Variants in CLIP1 observed in about 807,000 individuals in gnomAD.
CLIP1 encodes the protein CAP-Gly domain containing linker protein 1.
In CLIP1, 66 loss-of-function variants were observed where a neutral mutation model predicts 161.6. That is an observed-to-expected ratio of 0.41 (90% confidence interval 0.33 to 0.50). CLIP1 has a LOEUF of 0.50. CLIP1 is among the 20% of genes least tolerant of loss of function. The pLI is 0.27. For synonymous variants in CLIP1, 598 were observed against 626.2 expected, an observed-to-expected ratio of 0.96 and a Z score of 0.67; for missense variants, 1,376 against 1,702.0, an observed-to-expected ratio of 0.81 and a Z score of 3.37.
At chr12:122,273,914 TAGAGACG>T in intron 25 of CLIP1, 117 bp downstream of exon 25, 1 of 716,582 alleles carries the variant, frequency 1.4e-6, no homozygotes, top group Non-Finnish European at 2.3e-6. Context: ...GTATTTTTAG[TAGAGACG>T]AGGTTTCATC....
At chr12:122,291,481 C>T (rs543544421) in intron 20 of CLIP1, among the ~76,000 whole-genome samples, 52 of 152,342 alleles carry the variant, frequency 3.4e-4, no homozygotes, top group African/African-American at 1.1e-3. Flanking sequence ...TGAGCTATCA[C>T]GCCCGGCCAG....
intron 21 of CLIP1, among the ~76,000 whole-genome samples, chr12:122,285,628 C>A (rs535495309): frequency 6.7e-6 from 1 of 149,394 alleles, no homozygotes; most frequent in Non-Finnish European, 1.5e-5. Context: ...CGTGAGCCAC[C>A]GCACCCGACC....
intron 2 of CLIP1, among the ~76,000 whole-genome samples, chr12:122,379,229 AC>A (rs1195812050): frequency 1.3e-5 from 2 of 151,402 alleles, no homozygotes; most frequent in Admixed American, 6.6e-5. Context: ...AATCGCTTGA[AC>A]CTGGGAGGTG....
intron 1 of CLIP1, among the ~76,000 whole-genome samples, chr12:122,406,579 T>C (rs1424585664): frequency 6.6e-6 from 1 of 152,188 alleles, no homozygotes; most frequent in African/African-American, 2.4e-5. Flanking sequence ...ACACTGACAG[T>C]AAATACAAAG....
chr12:122,341,908 T>C lies in CLIP1; in HGVS notation c.1507-211A>G, dbSNP rs1043450438. 2.0e-5 allele frequency: 7 copies of C among 353,566 alleles called. No homozygotes were observed. In the Admixed American group the frequency reaches 2.7e-4, roughly 14 times the overall value. 21.9% of individuals were successfully genotyped at this position (353,566 alleles called of 1,614,324 possible). On this transcript the variant is annotated intron_variant, in intron 10 of 25. Coordinates refer to ENST00000620786, the MANE Select transcript of CLIP1 (RefSeq NM_001247997.2). ...AGGCGATTCTCCTGCCTCAGCCTCC[T>C]GAGTAGCTAGGATTACAGGCATGCG...
At chr12:122,278,518 C>T in intron 23 of CLIP1, 1 of 538,976 alleles carries the variant, frequency 1.9e-6, no homozygotes. Context: ...CACCTCTTCT[C>T]CTGCACTGTT....
In CLIP1 at chr12:122,388,719, C is replaced by T. The variant is rs569634459; in HGVS notation, c.-106-8161G>A. ...GAGTAGCTGGGACTACAGGCGTGTG[C>T]GACCAAGTCCAGGTAATTGTTTTTT... On this transcript the variant is annotated intron_variant, in intron 1 of 25. Transcript: ENST00000620786. Among the ~76,000 whole-genome samples, 84 of 152,164 alleles carry T rather than the reference C, an allele frequency of 5.5e-4. 1 individual carries two copies. The Middle Eastern group carries it at 0.014, about 25-fold the overall frequency.
intron 19 of CLIP1, among the ~76,000 whole-genome samples, chr12:122,313,493 G>A (rs1485999112): frequency 7.9e-5 from 12 of 152,190 alleles, no homozygotes; most frequent in African/African-American, 2.2e-4. Context: ...TTGGGAGGCC[G>A]AGGCAGGCGG....
chr12:122,315,366 A>C (rs767698874), intron 19 of CLIP1, among the ~76,000 whole-genome samples: 5 of 152,200 alleles, frequency 3.3e-5, no homozygotes, highest in African/African-American at 4.8e-5. Flanking sequence ...AATTAGCTTT[A>C]GGGTTTTAGG....
intron 10 of CLIP1, chr12:122,343,548 T>TA (rs1366838262): frequency 1.1e-4 from 17 of 152,226 alleles, no homozygotes; most frequent in African/African-American, 4.1e-4. Flanking sequence ...CATTTTGATG[T>TA]AAACATCTTC....
At position 122,341,764 on chromosome 12, in the gene CLIP1, T is replaced by C. The variant is rs1236145657; in HGVS notation, c.1507-67A>G. 7.6e-5 allele frequency: 10 copies of C among 132,092 alleles called. 1 individual carries two copies. The East Asian group carries it at 2.5e-3, about 33-fold the overall frequency. 8.2% of individuals were successfully genotyped at this position (132,092 alleles called of 1,614,324 possible). A position where few individuals can be genotyped will look rare whatever the true frequency, so the allele number is the denominator to read the frequency against. On this transcript the variant is annotated intron_variant, in intron 10 of 25. Transcript: ENST00000620786. Reference sequence around the variant, plus strand: ...CAAGTCATTGACTATTTTCTTTTCTTTTTTTTTTTTTTTTTTTTTTTTTTT... The same window carrying C: ...CAAGTCATTGACTATTTTCTTTTCTCTTTTTTTTTTTTTTTTTTTTTTTTT...
chr12:122,418,676 T>C (rs964581162), intron 1 of CLIP1, among the ~76,000 whole-genome samples: 3 of 152,160 alleles, frequency 2.0e-5, no homozygotes, highest in African/African-American at 7.2e-5. Flanking sequence ...GGAGGACTGC[T>C]TGAGCCCAGG....
intron 5 of CLIP1, among the ~76,000 whole-genome samples, chr12:122,356,596 G>T (rs1389342757): frequency 6.6e-6 from 1 of 151,846 alleles, no homozygotes; most frequent in Non-Finnish European, 1.5e-5. Flanking sequence ...AATGAATTGG[G>T]TCCCTCTCCC....
At chr12:122,371,229 C>G (rs1008730112) in intron 3 of CLIP1, among the ~76,000 whole-genome samples, 4 of 152,094 alleles carry the variant, frequency 2.6e-5, no homozygotes, top group African/African-American at 9.7e-5. Context: ...CACTGGCACT[C>G]AGTACTCAGG....
intron 1 of CLIP1, among the ~76,000 whole-genome samples, chr12:122,382,084 G>T (rs926519189): frequency 1.3e-5 from 2 of 152,080 alleles, no homozygotes; most frequent in Non-Finnish European, 2.9e-5. Context: ...AATTATGGCC[G>T]GGCGTGGTGG....
chr12:122,284,388 T>C (rs1172035662), intron 21 of CLIP1, among the ~76,000 whole-genome samples: 2 of 152,012 alleles, frequency 1.3e-5, no homozygotes, highest in African/African-American at 4.8e-5. Flanking sequence ...GTTTTGCTCT[T>C]GTTGCCCAGG....
intron 20 of CLIP1, among the ~76,000 whole-genome samples, chr12:122,305,706 G>A (rs1000128466): frequency 9.2e-5 from 14 of 152,118 alleles, no homozygotes; most frequent in African/African-American, 3.4e-4. Flanking sequence ...TCAGTGGGCT[G>A]AGAAAGGCTG....
rs1314408816 is a variant in CLIP1, at chr12:122,309,865, G to A, written c.3491C>T (p.Ala1164Val). ...FRKEIETLKQAAAQKSQQLSA... is the reference protein window; with the variant it reads ...FRKEIETLKQVAAQKSQQLSA... ...AAGCTGCTGGGACTTCTGAGCTGCT[G>A]CCTGCTTTAGGGTTTCTCTGCAAGG... The change falls in exon 20 of 26, where the codon GCA becomes GTA. Residue 1164 changes from alanine (A) to valine (V), a missense_variant. Around this residue, in one of 6 missense-constraint regions of CLIP1, gnomAD observed 948 missense variants for 1,134.8 expected, o/e 0.84. Coordinates refer to ENST00000620786, the MANE Select transcript of CLIP1 (RefSeq NM_001247997.2). 1 of 1,614,084 alleles carries A rather than the reference G, an allele frequency of 6.2e-7. No individual in the cohort carries two copies. Among genetic ancestry groups the A allele is most frequent in the Non-Finnish European group, 8.5e-7 (1 of 1,180,008 alleles).
At chr12:122,388,348 T>C (rs1453017114) in intron 1 of CLIP1, among the ~76,000 whole-genome samples, 1 of 152,092 alleles carries the variant, frequency 6.6e-6, no homozygotes, top group Non-Finnish European at 1.5e-5. Context: ...GCCTCCCAAG[T>C]AGCTGGGACT....
Sources: allele counts gnomAD v4.1 joint callset (sites outside exome capture counted in the v4.1 genomes callset), GRCh38; gene constraint gnomAD v4.1.1; regional missense constraint gnomAD v4.1.1; transcripts MANE v1.5; gene names NCBI Gene and HGNC (gene_info 2026-07-23, HGNC 2026-07-21).